Variants in CSMD3 observed in about 807,000 individuals in gnomAD.
CSMD3 encodes CUB and sushi domain-containing protein 3.
A neutral mutation model predicts 435.2 loss-of-function variants in CSMD3; 177 were observed. That is an observed-to-expected ratio of 0.41 (90% CI 0.36 to 0.46). CSMD3 has a LOEUF of 0.46. Among genes scored for constraint, CSMD3 ranks in the 20% least tolerant of loss-of-function variants. The probability of loss-of-function intolerance (pLI) is 0.34; values close to 1 mark genes in which losing one functional copy is unlikely to be tolerated. For synonymous variants in CSMD3, 1,656 were observed against 1,520.5 expected, an observed-to-expected ratio of 1.09 and a Z score of -2.07; for missense variants, 4,265 against 4,504.6, an observed-to-expected ratio of 0.95 and a Z score of 1.52.
At chr8:112,953,195 A>G (rs952595074) in intron 8 of CSMD3, among the ~76,000 whole-genome samples, 2 of 151,586 alleles carry the variant, frequency 1.3e-5, no homozygotes, top group African/African-American at 4.8e-5. Flanking sequence ...TACACAAAAT[A>G]TTAGAAAAAA....
chr8:112,386,147 C>G (rs1187945229), intron 36 of CSMD3, among the ~76,000 whole-genome samples: 1 of 152,152 alleles, frequency 6.6e-6, no homozygotes, highest in Non-Finnish European at 1.5e-5. Flanking sequence ...TCCTGAGACC[C>G]TGAAGTGGGC....
chr8:112,724,223 A>T (rs1192191250), intron 13 of CSMD3, among the ~76,000 whole-genome samples: 1 of 151,986 alleles, frequency 6.6e-6, no homozygotes, highest in Non-Finnish European at 1.5e-5. Flanking sequence ...TTAGCCATGG[A>T]CATATAAGAG....
intron 4 of CSMD3, among the ~76,000 whole-genome samples, chr8:113,119,506 TAAA>T (rs1219016482): frequency 2.0e-5 from 3 of 152,094 alleles, no homozygotes; most frequent in Non-Finnish European, 4.4e-5. Context: ...TTTGAGATGT[TAAA>T]AACATAGAAA....
intron 31 of CSMD3, among the ~76,000 whole-genome samples, chr8:112,478,117 G>A (rs1340282091): frequency 6.6e-6 from 1 of 152,160 alleles, no homozygotes; most frequent in Admixed American, 6.5e-5. Flanking sequence ...CTTCCACCAT[G>A]ATCGTGAGGC....
At chr8:113,396,293 T>TA (rs1300930244) in intron 1 of CSMD3, among the ~76,000 whole-genome samples, 2 of 152,218 alleles carry the variant, frequency 1.3e-5, no homozygotes, top group African/African-American at 4.8e-5. Context: ...ATAATACATG[T>TA]AACTGAGTGG....
At chr8:112,245,277 T>C (rs978828839) in intron 64 of CSMD3, among the ~76,000 whole-genome samples, 2 of 152,118 alleles carry the variant, frequency 1.3e-5, no homozygotes, top group Non-Finnish European at 2.9e-5. Context: ...TCATCGGTTT[T>C]ATGTCTTATA....
chr8:112,567,200 G>A (rs1301071532), intron 24 of CSMD3, among the ~76,000 whole-genome samples: 1 of 152,066 alleles, frequency 6.6e-6, no homozygotes, highest in Non-Finnish European at 1.5e-5. Flanking sequence ...CTTCGCACTT[G>A]CTACTCCCTC....
At chr8:113,204,848 A>C (rs925607945) in intron 3 of CSMD3, among the ~76,000 whole-genome samples, 1 of 152,164 alleles carries the variant, frequency 6.6e-6, no homozygotes, top group Non-Finnish European at 1.5e-5. Flanking sequence ...ACTTTACAAA[A>C]GAAAGACGTT....
chr8:112,588,392 T>C (rs1223725102), intron 22 of CSMD3, among the ~76,000 whole-genome samples: 1 of 151,150 alleles, frequency 6.6e-6, no homozygotes, highest in Non-Finnish European at 1.5e-5. Context: ...TGTGAAATAA[T>C]AATAAAAACT....
At chr8:113,369,817 A>T (rs1472395139) in intron 1 of CSMD3, among the ~76,000 whole-genome samples, 1 of 151,986 alleles carries the variant, frequency 6.6e-6, no homozygotes, top group Non-Finnish European at 1.5e-5. Flanking sequence ...AGAAAGACAA[A>T]TACAACATTC....
chr8:112,392,712 T>C (rs1041536106), intron 35 of CSMD3, among the ~76,000 whole-genome samples: 1 of 151,948 alleles, frequency 6.6e-6, no homozygotes, highest in Non-Finnish European at 1.5e-5. Flanking sequence ...GGCCTCCCTA[T>C]GGCTGGTATG....
intron 1 of CSMD3, among the ~76,000 whole-genome samples, chr8:113,434,262 A>G (rs557646106): frequency 6.6e-5 from 10 of 152,322 alleles, no homozygotes; most frequent in African/African-American, 2.2e-4. Flanking sequence ...AGTCTAGATT[A>G]GAACCTGCAA....
rs547830639 is a variant in CSMD3 at position 112,813,900 on chromosome 8, A to G, written c.1860-13626T>C. Among the ~76,000 whole-genome samples the G allele has an allele frequency of 1.3e-3, 196 of 152,328 alleles. 7 individuals carry two copies. In the South Asian group the frequency reaches 0.036, roughly 28 times the overall value. The stretch of plus-strand genomic sequence containing the variant: ...GAATCCCACGTTGCCATCCTGGGAC[A>G]GGAAAGGCCAGGCTCCACCCCCTGC... On this transcript the variant is annotated intron_variant, in intron 12 of 70. Coordinates refer to ENST00000297405, the MANE Select transcript of CSMD3 (RefSeq NM_198123.2).
intron 38 of CSMD3, among the ~76,000 whole-genome samples, chr8:112,363,025 G>A (rs568296798): frequency 6.6e-6 from 1 of 152,070 alleles, no homozygotes; most frequent in East Asian, 1.9e-4. Flanking sequence ...AACCAACACA[G>A]GTATTTGAAC....
intron 4 of CSMD3, among the ~76,000 whole-genome samples, chr8:113,170,219 T>G (rs1342563862): frequency 6.6e-6 from 1 of 152,170 alleles, no homozygotes; most frequent in Non-Finnish European, 1.5e-5. Context: ...CTGAGTAGTC[T>G]GCCATCTTTT....
At chr8:113,019,808 A>G (rs531458979) in intron 5 of CSMD3, among the ~76,000 whole-genome samples, 1 of 152,188 alleles carries the variant, frequency 6.6e-6, no homozygotes, top group Non-Finnish European at 1.5e-5. Flanking sequence ...TTTTCATAGA[A>G]CAAGCATTGC....
intron 5 of CSMD3, among the ~76,000 whole-genome samples, chr8:113,040,192 TATGC>T (rs1467645428): frequency 6.6e-6 from 1 of 152,134 alleles, no homozygotes; most frequent in Non-Finnish European, 1.5e-5. Flanking sequence ...ATATCATATA[TATGC>T]ATGGAATCTT....
Position 112,656,180 on chromosome 8 carries a change from T to C in CSMD3, c.2978A>G (p.Asn993Ser), listed in dbSNP as rs759617756. ...LLFTTDNSRS[N>S]NGFKIHYESV... ...TTCATAATGAATCTTGAAACCATTA[T>C]TGGAACGACTGTTGTCTGTTGTAAA... The change falls in exon 18 of 71, where the codon AAT (asparagine) becomes AGT (serine). Residue 993 changes from asparagine (N) to serine (S), a missense_variant. Asn to Ser is a conservative substitution (Grantham distance 46, BLOSUM62 1). This residue lies in a region of CSMD3 where 3,255 missense variants were observed against 3,380.2 expected (regional missense o/e 0.96). Coordinates refer to ENST00000297405, the MANE Select transcript of CSMD3 (RefSeq NM_198123.2). 15 of 1,574,384 alleles carry C rather than the reference T, an allele frequency of 9.5e-6. No homozygotes were observed. The highest frequency in any genetic ancestry group is 9.0e-5 in the East Asian group (4 of 44,564).
At chr8:113,426,019 T>C (rs894442746) in intron 1 of CSMD3, among the ~76,000 whole-genome samples, 1 of 151,450 alleles carries the variant, frequency 6.6e-6, no homozygotes, top group Non-Finnish European at 1.5e-5. Flanking sequence ...CTAGAGTACA[T>C]AGTTAGGTCA....
Sources: gnomAD v4.1 joint callset for allele counts (sites outside exome capture counted in the v4.1 genomes callset) on GRCh38, gnomAD v4.1.1 for gene constraint, gnomAD v4.1.1 regional missense constraint, MANE v1.5 for transcripts, NCBI Gene and HGNC (gene_info 2026-07-23, HGNC 2026-07-21) for gene names.